Variants in IGSF11 observed in about 807,000 individuals in gnomAD.
IGSF11 encodes the protein immunoglobulin superfamily member 11, also known as CXADR like 1.
IGSF11 carries 22 observed loss-of-function variants against 41.0 expected under a neutral mutation model. The observed-to-expected ratio is 0.54, with a 90% confidence interval of 0.38 to 0.77. The LOEUF (loss-of-function observed/expected upper bound fraction) is 0.77. Ranked by LOEUF, IGSF11 falls within the 30% of genes least tolerant of loss-of-function variation. IGSF11 has a pLI of 0.00. For synonymous variants in IGSF11, 219 were observed against 201.3 expected, an observed-to-expected ratio of 1.09 and a Z score of -0.74; for missense variants, 444 against 530.8, an observed-to-expected ratio of 0.84 and a Z score of 1.61.
chr3:119,137,684 C>G (rs2077581430), intron 1 of IGSF11, among the ~76,000 whole-genome samples: 1 of 152,060 alleles, frequency 6.6e-6, no homozygotes, highest in Non-Finnish European at 1.5e-5. Context: ...CCCACAGGCA[C>G]AGGAAACCAA....
At chr3:118,918,168 A>G (rs1442465678) in intron 4 of IGSF11, among the ~76,000 whole-genome samples, 2 of 84,014 alleles carry the variant, frequency 2.4e-5, no homozygotes, top group South Asian at 6.3e-4. Context: ...ATGGGCAAAA[A>G]CTGGAAGCAT....
chr3:119,075,598 T>C (rs987202291), intron 1 of IGSF11, among the ~76,000 whole-genome samples: 1 of 152,108 alleles, frequency 6.6e-6, no homozygotes, highest in Non-Finnish European at 1.5e-5. Context: ...GCAAACCAAA[T>C]CAAGCATCAC....
intron 1 of IGSF11, among the ~76,000 whole-genome samples, chr3:118,976,391 C>T (rs913374919): frequency 2.0e-5 from 3 of 152,198 alleles, no homozygotes; most frequent in Non-Finnish European, 4.4e-5. Flanking sequence ...ATTGTCTGTA[C>T]TTTCAAATAG....
At chr3:119,008,844 A>C (rs1937736567) in intron 1 of IGSF11, among the ~76,000 whole-genome samples, 1 of 152,194 alleles carries the variant, frequency 6.6e-6, no homozygotes, top group African/African-American at 2.4e-5. Context: ...GGTGGGCCCC[A>C]TCCAATCAGG....
At chr3:119,020,629 C>T (rs75282967) in intron 1 of IGSF11, among the ~76,000 whole-genome samples, 23,352 of 152,158 alleles carry the variant, frequency 0.15, 1,863 homozygotes, top group East Asian at 0.19. Flanking sequence ...TCCTCAGACG[C>T]CTGAAGCATA....
intron 1 of IGSF11, among the ~76,000 whole-genome samples, chr3:118,939,940 T>G (rs1260297210): frequency 6.6e-6 from 1 of 152,040 alleles, no homozygotes; most frequent in African/African-American, 2.4e-5. Flanking sequence ...GTCAATAAAA[T>G]TTATAAATCT....
At chr3:119,007,948 C>T (rs1937619805) in intron 1 of IGSF11, among the ~76,000 whole-genome samples, 2 of 152,168 alleles carry the variant, frequency 1.3e-5, no homozygotes, top group Non-Finnish European at 2.9e-5. Flanking sequence ...AAATCCTCTA[C>T]TAAAATAGCC....
intron 1 of IGSF11, among the ~76,000 whole-genome samples, chr3:118,976,454 T>C (rs1279512573): frequency 2.0e-5 from 3 of 152,204 alleles, no homozygotes; most frequent in East Asian, 1.9e-4. Context: ...ACCATCATCA[T>C]TGAAGTGCCC....
At chr3:119,122,803 C>T (rs1411741833) in intron 1 of IGSF11, among the ~76,000 whole-genome samples, 2 of 152,204 alleles carry the variant, frequency 1.3e-5, no homozygotes, top group African/African-American at 4.8e-5. Flanking sequence ...CCATCACCTG[C>T]TGACTAAGAA....
chr3:118,923,344 G>A (rs908123541), intron 4 of IGSF11, among the ~76,000 whole-genome samples: 1 of 152,146 alleles, frequency 6.6e-6, no homozygotes, highest in East Asian at 1.9e-4. Context: ...CTTTTATAAG[G>A]TTGAAGACAT....
At chr3:119,074,684 C>G (rs1435549047) in intron 1 of IGSF11, among the ~76,000 whole-genome samples, 1 of 151,314 alleles carries the variant, frequency 6.6e-6, no homozygotes, top group Non-Finnish European at 1.5e-5. Context: ...AACCCTGTCT[C>G]TACTAAAAAT....
At chr3:119,141,846 G>C (rs1323713335) in intron 1 of IGSF11, among the ~76,000 whole-genome samples, 2 of 151,928 alleles carry the variant, frequency 1.3e-5, no homozygotes, top group Non-Finnish European at 2.9e-5. Context: ...GCTATAAAGA[G>C]GGCATTCCTC....
At chr3:118,946,678 G>T (rs1040436123) in intron 1 of IGSF11, among the ~76,000 whole-genome samples, 4 of 152,162 alleles carry the variant, frequency 2.6e-5, no homozygotes, top group African/African-American at 9.7e-5. Context: ...TTTAAAACCA[G>T]AAAATCTAGA....
At chr3:118,910,167 T>C (rs555846427) in intron 4 of IGSF11, among the ~76,000 whole-genome samples, 3 of 152,326 alleles carry the variant, frequency 2.0e-5, no homozygotes, top group Admixed American at 6.5e-5. Flanking sequence ...ATGTTGACTG[T>C]TGCTCTTTAA....
chr3:119,007,473 C>T (rs1244105440), intron 1 of IGSF11, among the ~76,000 whole-genome samples: 1 of 152,044 alleles, frequency 6.6e-6, no homozygotes, highest in Non-Finnish European at 1.5e-5. Flanking sequence ...CCTATTCGGC[C>T]ATCTTGGCTC....
chr3:118,950,190 G>C (rs1944470539), intron 1 of IGSF11, among the ~76,000 whole-genome samples: 1 of 152,038 alleles, frequency 6.6e-6, no homozygotes, highest in African/African-American at 2.4e-5. Context: ...TCTGTTTAAG[G>C]AGTAACATGC....
chr3:119,117,709 G>C (rs2077277708), intron 1 of IGSF11, among the ~76,000 whole-genome samples: 1 of 152,172 alleles, frequency 6.6e-6, no homozygotes, highest in Non-Finnish European at 1.5e-5. Context: ...AAAGTCCACA[G>C]TCCAAAGTTT....
At chr3:119,062,163 C>T (rs1025802412) in intron 1 of IGSF11, among the ~76,000 whole-genome samples, 5 of 152,066 alleles carry the variant, frequency 3.3e-5, no homozygotes, top group Non-Finnish European at 7.4e-5. Flanking sequence ...TTATTATTAC[C>T]ATTATTAGTA....
intron 1 of IGSF11, among the ~76,000 whole-genome samples, chr3:118,993,023 C>T (rs1196856318): frequency 1.7e-4 from 26 of 152,138 alleles, no homozygotes; most frequent in Admixed American, 1.7e-3. Flanking sequence ...GCCAAGAGTT[C>T]AAGACCAGCC....
Sources: gnomAD v4.1 joint callset for allele counts (sites outside exome capture counted in the v4.1 genomes callset) on GRCh38, gnomAD v4.1.1 for gene constraint, MANE v1.5 for transcripts, NCBI Gene and HGNC (gene_info 2026-07-23, HGNC 2026-07-21) for gene names.